The following IRAK3 variants were observed in gnomAD, a reference collection of about 807,000 sequenced individuals.
The protein encoded by IRAK3 is interleukin-1 receptor-associated kinase 3.
IRAK3 carries 57 observed loss-of-function variants against 56.6 expected under a neutral mutation model. The ratio of observed to expected loss-of-function variants is 1.01; its 90% CI spans 0.81 to 1.26. The LOEUF is 1.26. IRAK3 is among the 50% of genes most tolerant of loss of function. The pLI is 0.00. For missense variants in IRAK3, 703 were observed against 719.0 expected, an observed-to-expected ratio of 0.98 and a Z score of 0.25; for synonymous variants, 258 against 255.7, an observed-to-expected ratio of 1.01 and a Z score of -0.09.
At chr12:66,190,432 G>T (rs954038421) in intron 1 of IRAK3, among the ~76,000 whole-genome samples, 1 of 151,988 alleles carries the variant, frequency 6.6e-6, no homozygotes, top group African/African-American at 2.4e-5. Context: ...TTTCCAGTGT[G>T]CATTTGAGGG....
rs758054656 is a variant in IRAK3 at position 66,209,538 on chromosome 12, A to G, written c.381+18A>G. ...TATTCAAGGTAGAGTATGTGTGCAT[A>G]GAAAATGAGCCTTGAACTTTGTTGC... On this transcript the variant is annotated intron_variant, in intron 3 of 11. Transcript: ENST00000261233. 2.8e-6 allele frequency: 4 copies of G among 1,442,326 alleles called. No homozygotes were observed. The highest frequency in any genetic ancestry group is 2.9e-6 in the Non-Finnish European group (3 of 1,023,722). The allele number at this position is 1,442,326 out of a possible 1,614,324, so 89.3% of individuals were successfully genotyped here.
At chr12:66,237,029 GGTTA>G (rs1267199640) in intron 8 of IRAK3, among the ~76,000 whole-genome samples, 2 of 152,122 alleles carry the variant, frequency 1.3e-5, no homozygotes, top group East Asian at 3.9e-4. Context: ...TCTCATCACT[GGTTA>G]AGAGTGTGGC....
intron 7 of IRAK3, 26 bp from the exon 8 acceptor site, chr12:66,228,226 C>A (rs2052808137): frequency 1.9e-6 from 3 of 1,553,500 alleles, no homozygotes; most frequent in South Asian, 2.2e-5. Context: ...AAAGTGCAAC[C>A]AAACCAATTG....
chr12:66,231,159 G>C (rs2052840196), intron 8 of IRAK3, among the ~76,000 whole-genome samples: 1 of 152,124 alleles, frequency 6.6e-6, no homozygotes, highest in African/African-American at 2.4e-5. Flanking sequence ...TCAATTTATA[G>C]TGTTTGAAAA....
intron 6 of IRAK3, among the ~76,000 whole-genome samples, chr12:66,224,186 C>T (rs2052763711): frequency 1.3e-5 from 2 of 152,116 alleles, no homozygotes; most frequent in South Asian, 4.1e-4. Context: ...TCCTCATGAC[C>T]ATCCAATGAG....
rs529671255 is a variant in IRAK3, at chr12:66,251,895, A to G, written c.*3724A>G. The G allele has an allele frequency of 6.6e-6, 1 of 152,348 alleles. No individual in the cohort carries two copies. Among genetic ancestry groups the G allele is most frequent in the East Asian group, 1.9e-4 (1 of 5,178 alleles). The allele number at this position is 152,348 out of a possible 1,614,324, so 9.4% of individuals were successfully genotyped here. On this transcript the variant is annotated 3_prime_UTR_variant, in exon 12 of 12. Transcript: ENST00000261233. Reference sequence around the variant, plus strand: ...ACATCTGTTATTTGAACCACACACCAATGCAACCGAAGTAAATGCTGAAAG... The same window carrying G: ...ACATCTGTTATTTGAACCACACACCGATGCAACCGAAGTAAATGCTGAAAG...
At chr12:66,215,790 A>G (rs201234408) in intron 5 of IRAK3, among the ~76,000 whole-genome samples, 26 of 103,138 alleles carry the variant, frequency 2.5e-4, no homozygotes, top group African/African-American at 5.2e-4. Flanking sequence ...CAACATGCAC[A>G]CACACACACA....
intron 8 of IRAK3, among the ~76,000 whole-genome samples, chr12:66,231,698 AAC>A (rs1166429889): frequency 2.0e-5 from 3 of 152,254 alleles, no homozygotes; most frequent in African/African-American, 7.2e-5. Context: ...TGTTCAAAGG[AAC>A]AGAGTAAAGA....
At chr12:66,209,433 A>G (rs1008186013) in intron 2 of IRAK3, 23 bp from the exon 3 acceptor site, 11 of 1,545,512 alleles carry the variant, frequency 7.1e-6, no homozygotes, top group African/African-American at 1.4e-5. Flanking sequence ...TTTTGTATCT[A>G]CCTTCCCATA....
chr12:66,225,362 A>G (rs763723785), intron 6 of IRAK3, among the ~76,000 whole-genome samples: 4 of 151,166 alleles, frequency 2.6e-5, no homozygotes, highest in Non-Finnish European at 4.4e-5. Flanking sequence ...AAACTTCTCT[A>G]TGTGTATTGT....
rs770940486 is a variant in IRAK3, at chr12:66,203,696, T to C, written c.134-15T>C. Reference sequence around the variant, plus strand: ...TACAGTAAACAATTCTTTGTTTATATTGCAATTTCCACAGCAGAGAGACTT... The same window carrying C: ...TACAGTAAACAATTCTTTGTTTATACTGCAATTTCCACAGCAGAGAGACTT... On this transcript the variant is annotated splice_polypyrimidine_tract_variant and intron_variant, in intron 1 of 11. Coordinates refer to ENST00000261233, the MANE Select transcript of IRAK3 (RefSeq NM_007199.3). 6.2e-7 allele frequency: 1 copy of C among 1,612,868 alleles called. No homozygotes were observed.
chr12:66,223,104 A>T (rs1202318792), intron 6 of IRAK3, among the ~76,000 whole-genome samples: 1 of 152,152 alleles, frequency 6.6e-6, no homozygotes, highest in South Asian at 2.1e-4. Context: ...GGAATTTCAC[A>T]AGGTAATGTC....
intron 1 of IRAK3, among the ~76,000 whole-genome samples, chr12:66,202,622 G>GA (rs961552548): frequency 5.0e-4 from 73 of 146,120 alleles, no homozygotes; most frequent in Admixed American, 1.4e-3. Flanking sequence ...TACCAAAAAA[G>GA]AAAAAAAAAA....
chr12:66,247,141 G>T (rs550167488), intron 11 of IRAK3, among the ~76,000 whole-genome samples: 1 of 152,026 alleles, frequency 6.6e-6, no homozygotes, highest in East Asian at 1.9e-4. Context: ...ATGGTGGCAC[G>T]TGCCTGTAAT....
chr12:66,219,033 C>CGT (rs375772585), intron 6 of IRAK3, among the ~76,000 whole-genome samples: 5 of 149,340 alleles, frequency 3.3e-5, no homozygotes, highest in Admixed American at 6.6e-5. Context: ...AATATTCCAT[C>CGT]GTGTGTGTGT....
At chr12:66,244,710 A>G in intron 9 of IRAK3, 26 bp downstream of exon 9, 1 of 1,578,672 alleles carries the variant, frequency 6.3e-7, no homozygotes. Context: ...CAGTTAACAA[A>G]GGAGAGTTTA....
At chr12:66,200,269 G>C (rs887040151) in intron 1 of IRAK3, among the ~76,000 whole-genome samples, 1 of 152,182 alleles carries the variant, frequency 6.6e-6, no homozygotes, top group African/African-American at 2.4e-5. Flanking sequence ...AAAAATCTCA[G>C]TGGTTTAACA....
At position 66,189,286 on chromosome 12, in the gene IRAK3, C is replaced by A; in HGVS notation, c.-14C>A. 6.5e-7 allele frequency: 1 copy of A among 1,534,544 alleles called. No individual in the cohort carries two copies. Among genetic ancestry groups the A allele is most frequent in the South Asian group, 1.2e-5 (1 of 84,112 alleles). On this transcript the variant is annotated 5_prime_UTR_variant, in exon 1 of 12. Transcript: ENST00000261233. ...TGGACTCCGCCTCGTCCCCGGGGCT[C>A]GGGCAGCCGAGCCATGGCGGGGAAC...
Position 66,253,013 on chromosome 12 carries a change from TG to T in IRAK3, c.*4843del, listed in dbSNP as rs1285342889. 7.2e-5 allele frequency: 11 copies of T among 152,320 alleles called. No homozygotes were observed. Among genetic ancestry groups the T allele is most frequent in the African/African-American group, 2.6e-4 (11 of 41,574 alleles). 9.4% of individuals were successfully genotyped at this position (152,320 alleles called of 1,614,324 possible). Reference sequence around the variant, plus strand: ...AATTATATTTCTTCTTCCACAAAACTGCAGGTTCCCTGAGGGAAAGGTCTAT... The same window carrying T: ...AATTATATTTCTTCTTCCACAAAACTCAGGTTCCCTGAGGGAAAGGTCTAT... On this transcript the variant is annotated 3_prime_UTR_variant, in exon 12 of 12. Coordinates refer to ENST00000261233, the MANE Select transcript of IRAK3 (RefSeq NM_007199.3).
Sources: gnomAD v4.1 joint callset for allele counts (sites outside exome capture counted in the v4.1 genomes callset) on GRCh38, gnomAD v4.1.1 for gene constraint, MANE v1.5 for transcripts, NCBI Gene and HGNC (gene_info 2026-07-23, HGNC 2026-07-21) for gene names.